The following XRCC4 variants were observed in gnomAD, a reference collection of about 807,000 sequenced individuals.
XRCC4 encodes the protein DNA repair protein XRCC4.
XRCC4 carries 28 observed loss-of-function variants against 39.1 expected under a neutral mutation model. The ratio of observed to expected loss-of-function variants is 0.72; its 90% CI spans 0.53 to 0.98. The LOEUF (loss-of-function observed/expected upper bound fraction) is 0.98. Ranked by LOEUF, XRCC4 falls within the 50% of genes least tolerant of loss-of-function variation. The probability of loss-of-function intolerance (pLI) is 0.00; values close to 1 mark genes in which losing one functional copy is unlikely to be tolerated. For missense variants in XRCC4, 350 were observed against 376.4 expected, an observed-to-expected ratio of 0.93 and a Z score of 0.58; for synonymous variants, 123 against 126.4, an observed-to-expected ratio of 0.97 and a Z score of 0.18.
chr5:83,084,964 G>A (rs1410365941), intron 1 of XRCC4, among the ~76,000 whole-genome samples: 1 of 152,138 alleles, frequency 6.6e-6, no homozygotes, highest in Non-Finnish European at 1.5e-5. Flanking sequence ...TAATGTCGTT[G>A]CAAATGATAA....
intron 7 of XRCC4, among the ~76,000 whole-genome samples, chr5:83,298,230 GA>G (rs527807854): frequency 8.4e-4 from 120 of 143,140 alleles, no homozygotes; most frequent in African/African-American, 2.7e-3. Flanking sequence ...TATGTGTGTT[GA>G]AAAAAAAAAA....
intron 3 of XRCC4, among the ~76,000 whole-genome samples, chr5:83,140,098 T>A (rs939425027): frequency 2.0e-5 from 3 of 152,222 alleles, no homozygotes; most frequent in Non-Finnish European, 4.4e-5. Flanking sequence ...ATTAGGGTTC[T>A]CCAGAGGGAC....
intron 1 of XRCC4, among the ~76,000 whole-genome samples, chr5:83,100,081 T>C (rs2112352206): frequency 6.6e-6 from 1 of 152,210 alleles, no homozygotes. Context: ...TATTAGGAAA[T>C]TAAGACTTAT....
chr5:83,077,937 C>A (rs922949849), intron 1 of XRCC4: 8 of 153,528 alleles, frequency 5.2e-5, no homozygotes, highest in Non-Finnish European at 7.3e-5. Flanking sequence ...ACGGTTGAAT[C>A]CAGAGGGTAG....
At chr5:83,197,349 T>G (rs1187184567) in intron 4 of XRCC4, among the ~76,000 whole-genome samples, 1 of 152,118 alleles carries the variant, frequency 6.6e-6, no homozygotes, top group Non-Finnish European at 1.5e-5. Flanking sequence ...AAAGGAGATG[T>G]GCTATGGTCG....
chr5:83,169,390 A>C (rs1749625574), intron 3 of XRCC4, among the ~76,000 whole-genome samples: 2 of 152,174 alleles, frequency 1.3e-5, no homozygotes, highest in African/African-American at 4.8e-5. Flanking sequence ...GAGTGAATTT[A>C]ATTGATTTTC....
At chr5:83,091,510 A>G (rs1189114330) in intron 1 of XRCC4, among the ~76,000 whole-genome samples, 5 of 152,148 alleles carry the variant, frequency 3.3e-5, no homozygotes, top group African/African-American at 1.2e-4. Context: ...AACCATATCA[A>G]CTGCCCATCC....
chr5:83,313,474 G>A (rs1000670672), intron 7 of XRCC4, among the ~76,000 whole-genome samples: 2 of 151,896 alleles, frequency 1.3e-5, no homozygotes, highest in Non-Finnish European at 2.9e-5. Flanking sequence ...TTTCCCCCCA[G>A]TTTTTACCTA....
intron 3 of XRCC4, among the ~76,000 whole-genome samples, chr5:83,135,443 C>T (rs1384563013): frequency 6.6e-6 from 1 of 151,522 alleles, no homozygotes; most frequent in Non-Finnish European, 1.5e-5. Context: ...TTATCACTGC[C>T]TTTAAGCAAG....
At chr5:83,360,202 A>G in the XRCC4 span, among the ~76,000 whole-genome samples, 20 of 152,192 alleles carry the variant, frequency 1.3e-4, no homozygotes, top group African/African-American at 4.8e-4. Flanking sequence ...TCTCTCTGTC[A>G]CTCTCTCATA....
chr5:83,270,776 C>CAT (rs545805498), intron 7 of XRCC4, among the ~76,000 whole-genome samples: 1,315 of 121,588 alleles, frequency 0.011, 10 homozygotes, highest in South Asian at 0.03. Flanking sequence ...AAAATATATA[C>CAT]ATATATATAT....
At chr5:83,200,297 C>A (rs571714678) in intron 4 of XRCC4, among the ~76,000 whole-genome samples, 63 of 152,206 alleles carry the variant, frequency 4.1e-4, no homozygotes, top group African/African-American at 1.4e-3. Context: ...CCAGTCAGCT[C>A]CCGCTCCCCC....
chr5:83,114,834 C>T (rs10073508), intron 3 of XRCC4, among the ~76,000 whole-genome samples: 73,921 of 151,970 alleles, frequency 0.49, 18,768 homozygotes, highest in African/African-American at 0.62. Context: ...CTGTATTAGT[C>T]TGTTCTTACA....
chr5:83,200,940 A>G (rs1025564686), intron 4 of XRCC4, among the ~76,000 whole-genome samples: 1 of 152,176 alleles, frequency 6.6e-6, no homozygotes, highest in African/African-American at 2.4e-5. Flanking sequence ...AAAATAAACT[A>G]TCAATATTGC....
At chr5:83,216,362 T>C (rs1167607345) in intron 6 of XRCC4, among the ~76,000 whole-genome samples, 1 of 152,178 alleles carries the variant, frequency 6.6e-6, no homozygotes, top group Non-Finnish European at 1.5e-5. Flanking sequence ...ACATTTCTGG[T>C]GGGAATGTAA....
chr5:83,335,479 T>C (rs1305428235), intron 7 of XRCC4, among the ~76,000 whole-genome samples: 2 of 152,016 alleles, frequency 1.3e-5, no homozygotes, highest in Admixed American at 1.3e-4. Context: ...TAAGAGAAGA[T>C]GTGTTCCTGT....
chr5:83,191,615 A>C (rs1398015606), intron 3 of XRCC4, among the ~76,000 whole-genome samples: 1 of 152,096 alleles, frequency 6.6e-6, no homozygotes, highest in Non-Finnish European at 1.5e-5. Context: ...CAGGAGAATC[A>C]CTTGAACCCA....
chr5:83,085,019 A>G (rs1215108777), intron 1 of XRCC4, among the ~76,000 whole-genome samples: 5 of 152,218 alleles, frequency 3.3e-5, no homozygotes, highest in African/African-American at 9.6e-5. Context: ...TACCTGGAGG[A>G]CATTGTATCC....
intron 6 of XRCC4, among the ~76,000 whole-genome samples, chr5:83,217,086 G>A (rs1264373928): frequency 6.6e-6 from 1 of 151,966 alleles, no homozygotes; most frequent in Non-Finnish European, 1.5e-5. Flanking sequence ...AGGTCGGGTA[G>A]CTCACACCTG....
Sources: gnomAD v4.1 joint callset for allele counts (sites outside exome capture counted in the v4.1 genomes callset) on GRCh38, gnomAD v4.1.1 for gene constraint, MANE v1.5 for transcripts, NCBI Gene and HGNC (gene_info 2026-07-23, HGNC 2026-07-21) for gene names.